The following ERC2 variants were observed in gnomAD, a reference collection of about 807,000 sequenced individuals.
ERC2 encodes the protein ELKS/RAB6-interacting/CAST family member 2.
Under a neutral mutation model 114.8 loss-of-function variants are expected in ERC2, and 42 were observed. That is an observed-to-expected ratio of 0.37 (90% CI 0.29 to 0.47). The LOEUF (loss-of-function observed/expected upper bound fraction) is 0.47, where lower values mean the gene tolerates loss of function less well. ERC2 is among the 20% of genes least tolerant of loss of function. The pLI, the probability that ERC2 is intolerant of heterozygous loss-of-function variation, is 0.99. For synonymous variants in ERC2, 454 were observed against 425.5 expected (o/e 1.07, Z -0.82); for missense variants, 939 against 1,150.7 (o/e 0.82, Z 2.66).
At chr3:56,308,533 T>C (rs1215208314) in intron 2 of ERC2, among the ~76,000 whole-genome samples, 3 of 152,190 alleles carry the variant, frequency 2.0e-5, no homozygotes, top group African/African-American at 7.2e-5. Context: ...TATATATGTA[T>C]GATGTGCATG....
At chr3:56,199,004 T>C (rs1218472299) in intron 3 of ERC2, among the ~76,000 whole-genome samples, 2 of 152,296 alleles carry the variant, frequency 1.3e-5, no homozygotes, top group South Asian at 2.1e-4. Context: ...GTTTCTTTAT[T>C]CATTCAACAG....
chr3:56,439,889 GT>G (rs2107432748), intron 1 of ERC2, among the ~76,000 whole-genome samples: 1 of 151,690 alleles, frequency 6.6e-6, no homozygotes, highest in East Asian at 1.9e-4. Flanking sequence ...ATACCTTGCT[GT>G]TTTTATTTTG....
intron 3 of ERC2, among the ~76,000 whole-genome samples, chr3:56,285,524 G>C (rs1450699072): frequency 6.6e-6 from 1 of 152,134 alleles, no homozygotes; most frequent in East Asian, 1.9e-4. Context: ...GTAACAGGCA[G>C]TCTTCCCCCA....
chr3:55,846,821 T>C (rs2061391117), intron 14 of ERC2, among the ~76,000 whole-genome samples: 1 of 152,118 alleles, frequency 6.6e-6, no homozygotes, highest in Non-Finnish European at 1.5e-5. Flanking sequence ...TTCAAAGCCC[T>C]TAATGAGATA....
At chr3:55,520,757 T>G (rs888036944) in intron 17 of ERC2, among the ~76,000 whole-genome samples, 1 of 152,228 alleles carries the variant, frequency 6.6e-6, no homozygotes, top group African/African-American at 2.4e-5. Context: ...TGTTATCTTA[T>G]TTTTGAGATG....
At chr3:55,660,897 G>A (rs1469649281) in intron 17 of ERC2, among the ~76,000 whole-genome samples, 2 of 152,202 alleles carry the variant, frequency 1.3e-5, no homozygotes, top group Non-Finnish European at 2.9e-5. Flanking sequence ...CTGTTGTGAA[G>A]AACAAGGTAA....
At chr3:55,930,242 A>AAAATAAAT (rs550948207) in intron 13 of ERC2, among the ~76,000 whole-genome samples, 80 of 151,964 alleles carry the variant, frequency 5.3e-4, no homozygotes, top group African/African-American at 1.2e-3. Context: ...CCGTCTCAAG[A>AAAATAAAT]AAATAAATAA....
intron 17 of ERC2, among the ~76,000 whole-genome samples, chr3:55,676,134 G>C (rs935550450): frequency 4.9e-4 from 74 of 151,550 alleles, no homozygotes; most frequent in African/African-American, 1.6e-3. Flanking sequence ...TGTTGGCCAG[G>C]CTGGTCTTGA....
intron 14 of ERC2, among the ~76,000 whole-genome samples, chr3:55,815,975 G>T (rs1330151669): frequency 6.6e-6 from 1 of 152,186 alleles, no homozygotes; most frequent in African/African-American, 2.4e-5. Context: ...GTAGGCAGCT[G>T]GGATTCTGCT....
At chr3:56,118,165 A>G (rs771907196) in intron 6 of ERC2, among the ~76,000 whole-genome samples, 1 of 152,226 alleles carries the variant, frequency 6.6e-6, no homozygotes, top group East Asian at 1.9e-4. Flanking sequence ...CAGCTTCCTC[A>G]TCTGTAAAAC....
At position 56,350,077 on chromosome 3, in the gene ERC2, G is replaced by C. The variant is rs1484296583; in HGVS notation, c.658-53642C>G. Among the ~76,000 whole-genome samples, 27 of 152,088 alleles carry C rather than the reference G, an allele frequency of 1.8e-4. 1 individual carries two copies. The highest frequency in any genetic ancestry group is 1.8e-3 in the Admixed American group (27 of 15,272). ...AAAACTTAAAAAGAAGAAATGTCTA[G>C]CCCAGAACAACGTCCAAATCTACCT... On this transcript the variant is annotated intron_variant, in intron 2 of 17. Coordinates refer to ENST00000288221, the MANE Select transcript of ERC2 (RefSeq NM_015576.3).
chr3:55,914,801 C>T (rs1249425951), intron 13 of ERC2, among the ~76,000 whole-genome samples: 1 of 152,182 alleles, frequency 6.6e-6, no homozygotes, highest in East Asian at 1.9e-4. Context: ...TAAAACTAGA[C>T]ACCCACCATT....
At chr3:55,673,577 G>A (rs181895617) in intron 17 of ERC2, among the ~76,000 whole-genome samples, 91 of 151,786 alleles carry the variant, frequency 6.0e-4, no homozygotes, top group Non-Finnish European at 1.0e-3. Context: ...GCAAGACTCC[G>A]TCTCAAAAAA....
intron 12 of ERC2, among the ~76,000 whole-genome samples, chr3:55,969,985 A>T (rs2069039551): frequency 6.6e-6 from 1 of 152,166 alleles, no homozygotes; most frequent in African/African-American, 2.4e-5. Context: ...AACTAAGCAA[A>T]TATTCAAGGT....
chr3:55,634,730 C>A (rs2059889488), intron 17 of ERC2, among the ~76,000 whole-genome samples: 1 of 152,162 alleles, frequency 6.6e-6, no homozygotes, highest in Non-Finnish European at 1.5e-5. Flanking sequence ...GAGATGCTGG[C>A]AAAAGCTGTG....
chr3:56,051,345 C>T (rs1298727209), intron 7 of ERC2, among the ~76,000 whole-genome samples: 2 of 152,118 alleles, frequency 1.3e-5, no homozygotes, highest in Non-Finnish European at 2.9e-5. Context: ...GATAAGCCAG[C>T]TGTAAAACTT....
rs1041630658 is a variant in ERC2, at chr3:55,888,684, C to T, written c.2404-135G>A. 3.8e-6 allele frequency: 4 copies of T among 1,040,736 alleles called. No homozygotes were observed. In the African/African-American group the frequency reaches 4.8e-5, roughly 12 times the overall value. 64.5% of individuals were successfully genotyped at this position (1,040,736 alleles called of 1,614,324 possible). On this transcript the variant is annotated intron_variant, in intron 13 of 17. Coordinates refer to ENST00000288221, the MANE Select transcript of ERC2 (RefSeq NM_015576.3). ...GAACTGGGCCGCTGTGTCTTGGAGC[C>T]CTTTCTTTCTTTGTCATTGAAACTA... is the stretch of plus-strand genomic sequence containing the variant.
At chr3:56,043,436 C>T (rs2075300650) in intron 7 of ERC2, among the ~76,000 whole-genome samples, 1 of 151,868 alleles carries the variant, frequency 6.6e-6, no homozygotes, top group Non-Finnish European at 1.5e-5. Context: ...ATGCATATAC[C>T]TTTCATTTGT....
At chr3:55,552,681 C>T (rs2055298908) in intron 17 of ERC2, among the ~76,000 whole-genome samples, 1 of 151,076 alleles carries the variant, frequency 6.6e-6, no homozygotes, top group Admixed American at 6.6e-5. Flanking sequence ...CTGAAAATGC[C>T]CTGTTAGCAT....
Sources: gnomAD v4.1 joint callset for allele counts (sites outside exome capture counted in the v4.1 genomes callset) on GRCh38, gnomAD v4.1.1 for gene constraint, MANE v1.5 for transcripts, NCBI Gene and HGNC (gene_info 2026-07-23, HGNC 2026-07-21) for gene names.